Variants in PPP2R5E observed in about 807,000 individuals in gnomAD.
The protein encoded by PPP2R5E is protein phosphatase 2 regulatory subunit B'epsilon, also known as serine/threonine-protein phosphatase 2A 56 kDa regulatory subunit epsilon isoform.
PPP2R5E carries 4 observed loss-of-function variants against 65.3 expected under a neutral mutation model. The observed-to-expected ratio is 0.06, with a 90% CI of 0.03 to 0.14. The LOEUF (loss-of-function observed/expected upper bound fraction) is 0.14, where lower values mean the gene tolerates loss of function less well. Ranked by LOEUF, PPP2R5E falls within the 10% of genes least tolerant of loss-of-function variation. PPP2R5E has a pLI of 1.00. For synonymous variants in PPP2R5E, 183 were observed against 187.4 expected (o/e 0.98, Z 0.19); for missense variants, 274 against 556.1 (o/e 0.49, Z 5.10).
intron 2 of PPP2R5E, among the ~76,000 whole-genome samples, chr14:63,531,616 T>TGGAG (rs1306591710): frequency 6.6e-6 from 1 of 152,208 alleles, no homozygotes; most frequent in Non-Finnish European, 1.5e-5. Flanking sequence ...AACATATAGA[T>TGGAG]GTTCTTTCAG....
intron 4 of PPP2R5E, among the ~76,000 whole-genome samples, chr14:63,416,500 C>T (rs1352540724): frequency 6.6e-6 from 1 of 152,058 alleles, no homozygotes; most frequent in African/African-American, 2.4e-5. Flanking sequence ...CATGTATCAT[C>T]ATCACTATTC....
At chr14:63,476,165 A>C (rs535660673) in intron 2 of PPP2R5E, among the ~76,000 whole-genome samples, 53 of 152,350 alleles carry the variant, frequency 3.5e-4, no homozygotes, top group African/African-American at 1.3e-3. Context: ...ATTTGAAAGT[A>C]GGAAGAATGC....
intron 10 of PPP2R5E, among the ~76,000 whole-genome samples, chr14:63,390,295 G>GACACACACACAC (rs59239063): frequency 5.8e-4 from 81 of 140,176 alleles, no homozygotes; most frequent in African/African-American, 2.1e-3. Flanking sequence ...ACGCATTCTC[G>GACACACACACAC]ACACACACAC....
intron 4 of PPP2R5E, among the ~76,000 whole-genome samples, chr14:63,421,230 T>C (rs989974659): frequency 2.0e-5 from 3 of 152,132 alleles, no homozygotes; most frequent in Admixed American, 1.3e-4. Flanking sequence ...TCTGACTCAA[T>C]GGAAGGGTGA....
chr14:63,414,202 G>A (rs756760382), intron 5 of PPP2R5E, among the ~76,000 whole-genome samples: 1 of 152,080 alleles, frequency 6.6e-6, no homozygotes, highest in Non-Finnish European at 1.5e-5. Flanking sequence ...ATTTAATTAA[G>A]GAGGGAAATG....
intron 4 of PPP2R5E, among the ~76,000 whole-genome samples, chr14:63,415,509 A>G (rs1886640849): frequency 6.6e-6 from 1 of 152,172 alleles, no homozygotes. Flanking sequence ...CAATGTATAT[A>G]TTTCCTTCTA....
chr14:63,461,570 A>T (rs971042041), intron 2 of PPP2R5E, among the ~76,000 whole-genome samples: 5 of 151,184 alleles, frequency 3.3e-5, no homozygotes, highest in African/African-American at 4.9e-5. Context: ...CCAAGGTGGG[A>T]GGATCGTTTA....
At chr14:63,526,455 AC>A (rs1893187842) in intron 2 of PPP2R5E, among the ~76,000 whole-genome samples, 1 of 152,238 alleles carries the variant, frequency 6.6e-6, no homozygotes, top group Non-Finnish European at 1.5e-5. Flanking sequence ...GTAAGCAATT[AC>A]AAAAACATTT....
chr14:63,413,661 C>T (rs1886527697), intron 5 of PPP2R5E, among the ~76,000 whole-genome samples: 2 of 152,188 alleles, frequency 1.3e-5, no homozygotes, highest in Admixed American at 1.3e-4. Flanking sequence ...TATATACATG[C>T]AAGGCTTTCC....
chr14:63,519,297 T>A (rs1892789057), intron 2 of PPP2R5E, among the ~76,000 whole-genome samples: 1 of 152,156 alleles, frequency 6.6e-6, no homozygotes, highest in Non-Finnish European at 1.5e-5. Flanking sequence ...GTGATTTATA[T>A]ATTCTGTGGT....
intron 2 of PPP2R5E, among the ~76,000 whole-genome samples, chr14:63,484,835 T>C (rs1163709154): frequency 6.6e-6 from 1 of 152,146 alleles, no homozygotes; most frequent in Non-Finnish European, 1.5e-5. Flanking sequence ...TAAAAACACA[T>C]AAGCCAATAG....
At position 63,394,140 on chromosome 14, in the gene PPP2R5E, G is replaced by A. The variant is rs1390222618; in HGVS notation, c.741-212C>T. Among the ~76,000 whole-genome samples, 5 of 139,658 alleles carry A rather than the reference G, an allele frequency of 3.6e-5. No individual in the cohort carries two copies. The South Asian group carries it at 6.7e-4, about 19-fold the overall frequency. The allele number at this position is 139,658 out of a possible 152,430, so 91.6% of individuals were successfully genotyped here. A position where few individuals can be genotyped will look rare whatever the true frequency, so the allele number is the denominator to read the frequency against. ...TCTATTGCCCAGGCTGGAGTGCAGT[G>A]GCCCAATCTCAGCTCACTGCAACCT... On this transcript the variant is annotated intron_variant, in intron 7 of 13. Coordinates refer to ENST00000337537, the MANE Select transcript of PPP2R5E (RefSeq NM_006246.5).
intron 2 of PPP2R5E, among the ~76,000 whole-genome samples, chr14:63,462,093 C>A (rs1308287469): frequency 7.1e-6 from 1 of 141,452 alleles, no homozygotes; most frequent in South Asian, 2.1e-4. Context: ...TTTTTTTAGA[C>A]GGAGTCTCGC....
chr14:63,469,964 A>C (rs1210601628), intron 2 of PPP2R5E, among the ~76,000 whole-genome samples: 1 of 152,216 alleles, frequency 6.6e-6, no homozygotes, highest in African/African-American at 2.4e-5. Flanking sequence ...ATAATTTTAC[A>C]CCAAAATGAA....
At chr14:63,498,183 T>G (rs376527300) in intron 2 of PPP2R5E, among the ~76,000 whole-genome samples, 29 of 152,312 alleles carry the variant, frequency 1.9e-4, no homozygotes, top group Admixed American at 5.2e-4. Flanking sequence ...AAAATGTTTG[T>G]TTTTTTCTTG....
intron 2 of PPP2R5E, among the ~76,000 whole-genome samples, chr14:63,521,043 A>C (rs1453701880): frequency 2.0e-5 from 3 of 151,924 alleles, no homozygotes; most frequent in Non-Finnish European, 4.4e-5. Flanking sequence ...TGTCTCAAAA[A>C]AAAGAAAAAG....
chr14:63,455,594 T>G (rs1889074062), intron 2 of PPP2R5E, among the ~76,000 whole-genome samples: 2 of 152,154 alleles, frequency 1.3e-5, no homozygotes, highest in Non-Finnish European at 2.9e-5. Context: ...AGCCTTAGAC[T>G]ACAAGAACTA....
chr14:63,436,364 T>C (rs1406303195), intron 3 of PPP2R5E, among the ~76,000 whole-genome samples: 2 of 152,232 alleles, frequency 1.3e-5, no homozygotes, highest in African/African-American at 4.8e-5. Context: ...TGTTTCTGAC[T>C]ACTAGGTATG....
intron 2 of PPP2R5E, among the ~76,000 whole-genome samples, chr14:63,507,949 T>G (rs1892288723): frequency 6.6e-6 from 1 of 152,140 alleles, no homozygotes; most frequent in Admixed American, 6.5e-5. Flanking sequence ...CCCTAGGGAT[T>G]TATCATAAAC....
Sources: gnomAD v4.1 joint callset for allele counts (sites outside exome capture counted in the v4.1 genomes callset) on GRCh38, gnomAD v4.1.1 for gene constraint, MANE v1.5 for transcripts, NCBI Gene and HGNC (gene_info 2026-07-23, HGNC 2026-07-21) for gene names.